The following VAV3 variants were observed in gnomAD, a reference collection of about 807,000 sequenced individuals.
The protein encoded by VAV3 is guanine nucleotide exchange factor VAV3.
A neutral mutation model predicts 131.2 loss-of-function variants in VAV3; 94 were observed. The ratio of observed to expected loss-of-function variants is 0.72; its 90% CI spans 0.61 to 0.85. The LOEUF is 0.85. Among genes scored for constraint, VAV3 ranks in the 40% least tolerant of loss-of-function variants. The probability of loss-of-function intolerance (pLI) is 0.00; values close to 1 mark genes in which losing one functional copy is unlikely to be tolerated. For synonymous variants in VAV3, 349 were observed against 342.0 expected (o/e 1.02, Z -0.22); for missense variants, 939 against 1,002.7 (o/e 0.94, Z 0.86).
chr1:107,742,997 C>A (rs1348931008), intron 15 of VAV3, among the ~76,000 whole-genome samples: 1 of 152,104 alleles, frequency 6.6e-6, no homozygotes, highest in African/African-American at 2.4e-5. Flanking sequence ...GAGGAAAGAC[C>A]AGGCCTGGCA....
chr1:107,687,502 C>A (rs1372226796), intron 18 of VAV3, among the ~76,000 whole-genome samples: 4 of 152,118 alleles, frequency 2.6e-5, no homozygotes, highest in African/African-American at 7.2e-5. Flanking sequence ...TAACTAATCA[C>A]ACATAGTTTG....
chr1:107,851,570 C>A (rs1341641289), intron 2 of VAV3, among the ~76,000 whole-genome samples: 1 of 152,144 alleles, frequency 6.6e-6, no homozygotes, highest in Non-Finnish European at 1.5e-5. Flanking sequence ...AAAGTCACCA[C>A]ATACCCTACA....
chr1:107,800,457 A>AT (rs1289655645), intron 2 of VAV3, among the ~76,000 whole-genome samples: 2 of 151,958 alleles, frequency 1.3e-5, no homozygotes, highest in East Asian at 3.9e-4. Context: ...GATGCTGAAC[A>AT]TTTTTTCGTA....
chr1:107,868,693 T>C (rs111786811), intron 2 of VAV3, among the ~76,000 whole-genome samples: 46 of 152,310 alleles, frequency 3.0e-4, no homozygotes, highest in African/African-American at 1.0e-3. Context: ...CTCTTGCATA[T>C]ACGATAGGAG....
chr1:107,754,059 C>T (rs376408591), intron 12 of VAV3, among the ~76,000 whole-genome samples: 3 of 152,104 alleles, frequency 2.0e-5, no homozygotes, highest in South Asian at 2.1e-4. Context: ...ACTGTAGAAA[C>T]GTATGTCAAA....
chr1:107,912,340 A>G (rs1014684106), intron 1 of VAV3, among the ~76,000 whole-genome samples: 1 of 152,218 alleles, frequency 6.6e-6, no homozygotes, highest in Admixed American at 6.5e-5. Context: ...AAAATGCATA[A>G]GAAAACACCA....
At chr1:107,745,107 T>A (rs535575211) in intron 15 of VAV3, among the ~76,000 whole-genome samples, 97 of 152,312 alleles carry the variant, frequency 6.4e-4, no homozygotes, top group African/African-American at 2.3e-3. Context: ...TCCAGCATGA[T>A]TATGAAAACC....
intron 19 of VAV3, among the ~76,000 whole-genome samples, chr1:107,656,282 A>G (rs1487780217): frequency 6.6e-6 from 1 of 152,182 alleles, no homozygotes; most frequent in Non-Finnish European, 1.5e-5. Flanking sequence ...ACATGCAGCC[A>G]TAAAAAGGAA....
intron 17 of VAV3, among the ~76,000 whole-genome samples, chr1:107,702,287 T>C (rs947910469): frequency 1.3e-5 from 2 of 152,082 alleles, no homozygotes; most frequent in African/African-American, 4.8e-5. Context: ...CTCACTATCA[T>C]GAGAACAGCG....
chr1:107,843,365 A>AATATATATATATATAT (rs34150658), intron 2 of VAV3, among the ~76,000 whole-genome samples: 8 of 139,970 alleles, frequency 5.7e-5, no homozygotes, highest in African/African-American at 1.3e-4. Context: ...GCACAACACA[A>AATATATATATATATAT]ATATATATAT....
At chr1:107,620,602 CT>C (rs889340557) in intron 20 of VAV3, among the ~76,000 whole-genome samples, 43 of 151,364 alleles carry the variant, frequency 2.8e-4, no homozygotes, top group African/African-American at 8.5e-4. Context: ...CTATATGTCA[CT>C]TTTTTTTTGT....
intron 2 of VAV3, among the ~76,000 whole-genome samples, chr1:107,812,547 T>C (rs1557861926): frequency 6.6e-6 from 1 of 152,106 alleles, no homozygotes; most frequent in Non-Finnish European, 1.5e-5. Flanking sequence ...GGACTATTTT[T>C]AATGTACTCA....
chr1:107,676,325 C>T (rs184593291), intron 19 of VAV3, among the ~76,000 whole-genome samples: 13 of 152,290 alleles, frequency 8.5e-5, no homozygotes. Context: ...TAAAGCTCTC[C>T]TTGGGATTCT....
At chr1:107,723,212 A>G (rs935091013) in intron 15 of VAV3, among the ~76,000 whole-genome samples, 1 of 152,172 alleles carries the variant, frequency 6.6e-6, no homozygotes, top group African/African-American at 2.4e-5. Flanking sequence ...GCAAAACAAC[A>G]GTAACAACAA....
chr1:107,726,677 T>C (rs1048753815), intron 15 of VAV3, among the ~76,000 whole-genome samples: 1 of 152,234 alleles, frequency 6.6e-6, no homozygotes. Flanking sequence ...TGAATCAGCA[T>C]AGACTACCAA....
At chr1:107,672,694 C>A (rs1657906754) in intron 19 of VAV3, among the ~76,000 whole-genome samples, 1 of 151,936 alleles carries the variant, frequency 6.6e-6, no homozygotes, top group Non-Finnish European at 1.5e-5. Flanking sequence ...AGCACCAAAT[C>A]TTGAATAGAA....
intron 1 of VAV3, among the ~76,000 whole-genome samples, chr1:107,950,164 C>A (rs1205003579): frequency 6.6e-6 from 1 of 152,124 alleles, no homozygotes; most frequent in Non-Finnish European, 1.5e-5. Context: ...TAGTGTCCAA[C>A]TTCTCAGAAT....
At chr1:107,612,127 A>ATT (rs1553174765) in intron 21 of VAV3, among the ~76,000 whole-genome samples, 1 of 129,672 alleles carries the variant, frequency 7.7e-6, no homozygotes, top group Non-Finnish European at 1.7e-5. Flanking sequence ...TCCGTACAAA[A>ATT]TTATATATAT....
intron 22 of VAV3, among the ~76,000 whole-genome samples, chr1:107,607,897 T>C (rs752843318): frequency 2.6e-5 from 4 of 152,312 alleles, no homozygotes; most frequent in Non-Finnish European, 4.4e-5. Context: ...AGAACTACCA[T>C]GCCATCAAGC....
Sources: gnomAD v4.1 joint callset for allele counts (sites outside exome capture counted in the v4.1 genomes callset) on GRCh38, gnomAD v4.1.1 for gene constraint, MANE v1.5 for transcripts, NCBI Gene and HGNC (gene_info 2026-07-23, HGNC 2026-07-21) for gene names.